The following C10orf88 variants were observed in gnomAD, a reference collection of about 807,000 sequenced individuals.
The protein encoded by C10orf88 is chromosome 10 open reading frame 88.
C10orf88 carries 29 observed loss-of-function variants against 34.2 expected under a neutral mutation model. That is an observed-to-expected ratio of 0.85 (90% CI 0.63 to 1.16). The LOEUF is 1.16. Among genes scored for constraint, C10orf88 ranks in the 50% most tolerant of loss-of-function variants. The pLI is 0.00. For missense variants in C10orf88, 507 were observed against 533.2 expected, an observed-to-expected ratio of 0.95 and a Z score of 0.48; for synonymous variants, 194 against 197.4, an observed-to-expected ratio of 0.98 and a Z score of 0.15.
intron 3 of C10orf88, among the ~76,000 whole-genome samples, chr10:122,950,877 G>A (rs1319153351): frequency 6.6e-6 from 1 of 152,180 alleles, no homozygotes; most frequent in Non-Finnish European, 1.5e-5. Context: ...TCAGTCCTGT[G>A]AGTTTGCTAT....
intron 4 of C10orf88, among the ~76,000 whole-genome samples, chr10:122,939,076 T>C (rs1848560848): frequency 6.6e-6 from 1 of 152,014 alleles, no homozygotes; most frequent in African/African-American, 2.4e-5. Flanking sequence ...ACTCAGTTCA[T>C]ATACTTATAG....
intron 5 of C10orf88, among the ~76,000 whole-genome samples, chr10:122,934,425 A>G (rs1216277884): frequency 6.6e-6 from 1 of 152,160 alleles, no homozygotes; most frequent in Non-Finnish European, 1.5e-5. Context: ...AAAATATTAT[A>G]AAGTGAGATC....
At chr10:122,947,202 A>G (rs1009592908) in intron 4 of C10orf88, among the ~76,000 whole-genome samples, 3 of 152,100 alleles carry the variant, frequency 2.0e-5, no homozygotes, top group Non-Finnish European at 2.9e-5. Flanking sequence ...CTTTTTTGAA[A>G]TTCTTCTTTC....
intron 1 of C10orf88, 112 bp downstream of exon 1, chr10:122,953,903 C>G (rs1317279388): frequency 1.5e-5 from 14 of 942,382 alleles, no homozygotes; most frequent in Non-Finnish European, 1.9e-5. Context: ...AGACCTGGTA[C>G]CAACTGCTCT....
chr10:122,940,461 G>A (rs1207829568), intron 4 of C10orf88, among the ~76,000 whole-genome samples: 4 of 151,976 alleles, frequency 2.6e-5, no homozygotes, highest in Admixed American at 2.6e-4. Flanking sequence ...TTTACAAGAT[G>A]AATCTGTTTT....
chr10:122,936,336 C>T (rs566858201), intron 5 of C10orf88, among the ~76,000 whole-genome samples: 47 of 151,602 alleles, frequency 3.1e-4, no homozygotes, highest in Middle Eastern at 6.8e-3. Context: ...CTGATGATTG[C>T]ATCTTCTTTT....
chr10:122,932,870 A>G (rs1041630520), intron 5 of C10orf88, among the ~76,000 whole-genome samples: 3 of 152,320 alleles, frequency 2.0e-5, no homozygotes, highest in Non-Finnish European at 2.9e-5. Flanking sequence ...TTTTTAGTAT[A>G]CAATTGAACA....
chr10:122,948,622 T>A, intron 4 of C10orf88, 27 bp downstream of exon 4: 1 of 1,598,372 alleles, frequency 6.3e-7, no homozygotes, highest in South Asian at 1.1e-5. Context: ...ATTAATGTTA[T>A]CTGGAAAGAA....
intron 3 of C10orf88, among the ~76,000 whole-genome samples, chr10:122,950,012 T>A (rs55704521): frequency 0.01 from 1,577 of 152,304 alleles, 26 homozygotes; most frequent in African/African-American, 0.036. Flanking sequence ...ATCCCTGTAG[T>A]TTATCCAACA....
chr10:122,953,101 G>C, intron 1 of C10orf88, 69 bp from the exon 2 acceptor site: 4 of 1,295,362 alleles, frequency 3.1e-6, no homozygotes, highest in Non-Finnish European at 3.3e-6. Context: ...TTTTTGAGAC[G>C]GAGTCTGGCT....
At chr10:122,943,310 T>C (rs1473416264) in intron 4 of C10orf88, among the ~76,000 whole-genome samples, 3 of 148,208 alleles carry the variant, frequency 2.0e-5, no homozygotes, top group Non-Finnish European at 4.5e-5. Flanking sequence ...CTGGGAAAAC[T>C]GGCTAGCCAT....
intron 4 of C10orf88, among the ~76,000 whole-genome samples, chr10:122,941,358 T>C (rs1267077618): frequency 6.6e-6 from 1 of 152,182 alleles, no homozygotes; most frequent in Admixed American, 6.6e-5. Context: ...CACAAAGGTT[T>C]GGATTGCATT....
chr10:122,954,161 C>T lies in C10orf88; in HGVS notation c.18G>A (p.Glu6=). ...TGGGGCGGCGGGTGAGGCCCCCGTC[C>T]TCGGTCCGCGTCTCCATTCCGCCGC... The part of the protein sequence containing the change: METRT[E]DGGLTRRPTL... The change falls in exon 1 of 6, where the codon GAG becomes GAA. Residue 6 remains glutamate, a synonymous_variant. Transcript: ENST00000481909. 1.9e-6 allele frequency: 3 copies of T among 1,576,198 alleles called. No individual in the cohort carries two copies. Among genetic ancestry groups the T allele is most frequent in the Non-Finnish European group, 2.6e-6 (3 of 1,166,646 alleles).
At position 122,954,212 on chromosome 10, in the gene C10orf88, G is replaced by C; in HGVS notation, c.-34C>G. ...CTTCAGTCAGGCCAGCCCAGCCCCGGAACCTCTCTTCCAGTGCTTGAATTT... is the reference window on the plus strand; with the variant it reads ...CTTCAGTCAGGCCAGCCCAGCCCCGCAACCTCTCTTCCAGTGCTTGAATTT... On this transcript the variant is annotated 5_prime_UTR_variant, in exon 1 of 6. Transcript: ENST00000481909. 6.6e-7 allele frequency: 1 copy of C among 1,504,794 alleles called. No homozygotes were observed. The highest frequency in any genetic ancestry group is 8.8e-7 in the Non-Finnish European group (1 of 1,137,000). The allele number at this position is 1,504,794 out of a possible 1,614,324, so 93.2% of individuals were successfully genotyped here. A position where few individuals can be genotyped will look rare whatever the true frequency, so the allele number is the denominator to read the frequency against.
chr10:122,951,698 G>A (rs930743082), intron 3 of C10orf88, among the ~76,000 whole-genome samples: 1 of 152,158 alleles, frequency 6.6e-6, no homozygotes, highest in African/African-American at 2.4e-5. Flanking sequence ...CAGGCATGGT[G>A]GTGTATGCCT....
chr10:122,945,961 G>A, intron 4 of C10orf88, among the ~76,000 whole-genome samples: 1 of 151,970 alleles, frequency 6.6e-6, no homozygotes, highest in Admixed American at 6.6e-5. Flanking sequence ...GTCTGGTGTG[G>A]TGGCATGCGC....
chr10:122,942,482 C>T (rs928457597), intron 4 of C10orf88, among the ~76,000 whole-genome samples: 2 of 152,130 alleles, frequency 1.3e-5, no homozygotes, highest in African/African-American at 2.4e-5. Context: ...GATGCCCTCT[C>T]TCACCACTCC....
intron 3 of C10orf88, among the ~76,000 whole-genome samples, 180 bp downstream of exon 3, chr10:122,951,774 G>A (rs1265348087): frequency 6.6e-6 from 1 of 151,816 alleles, no homozygotes; most frequent in Non-Finnish European, 1.5e-5. Context: ...ACGTTGCAGT[G>A]AGCCATGATT....
chr10:122,932,798 G>A (rs987657174), intron 5 of C10orf88, 137 bp from the exon 6 acceptor site: 3 of 629,774 alleles, frequency 4.8e-6, no homozygotes, highest in Admixed American at 5.9e-5. Flanking sequence ...GCATTTCTAG[G>A]TCCTAATACA....
Sources: allele counts gnomAD v4.1 joint callset (sites outside exome capture counted in the v4.1 genomes callset), GRCh38; gene constraint gnomAD v4.1.1; transcripts MANE v1.5; gene names NCBI Gene and HGNC (gene_info 2026-07-23, HGNC 2026-07-21).